Variants in SAMD8 observed in about 807,000 individuals in gnomAD.
SAMD8 encodes the protein sphingomyelin synthase-related protein 1.
Under a neutral mutation model 42.0 loss-of-function variants are expected in SAMD8, and 20 were observed. The ratio of observed to expected loss-of-function variants is 0.48; its 90% CI spans 0.34 to 0.69. The LOEUF is 0.69. SAMD8 is among the 30% of genes least tolerant of loss of function. The pLI, the probability that SAMD8 is intolerant of heterozygous loss-of-function variation, is 0.01. For synonymous variants in SAMD8, 162 were observed against 173.0 expected, an observed-to-expected ratio of 0.94 and a Z score of 0.50; for missense variants, 328 against 511.6, an observed-to-expected ratio of 0.64 and a Z score of 3.46.
chr10:75,155,092 A>G (rs535610660), intron 2 of SAMD8, among the ~76,000 whole-genome samples: 105 of 152,014 alleles, frequency 6.9e-4, no homozygotes, highest in African/African-American at 2.5e-3. Context: ...GGGTTTTGCT[A>G]TGTTGCCTAG....
intron 4 of SAMD8, among the ~76,000 whole-genome samples, chr10:75,173,261 A>G (rs1348185223): frequency 6.6e-6 from 1 of 152,224 alleles, no homozygotes; most frequent in African/African-American, 2.4e-5. Flanking sequence ...ATAGAAATCA[A>G]ATCCCTTACA....
chr10:75,134,876 G>A (rs1849353399), intron 1 of SAMD8, among the ~76,000 whole-genome samples: 1 of 151,740 alleles, frequency 6.6e-6, no homozygotes, highest in Non-Finnish European at 1.5e-5. Context: ...GGGCAACATA[G>A]TGAGACCCTG....
intron 2 of SAMD8, 110 bp downstream of exon 2, chr10:75,151,216 TC>T (rs1840280803): frequency 1.9e-6 from 1 of 540,328 alleles, no homozygotes; most frequent in Non-Finnish European, 3.0e-6. Context: ...ATGTATACTT[TC>T]CATTTGCTTT....
At chr10:75,140,935 A>G (rs1390162347) in intron 1 of SAMD8, among the ~76,000 whole-genome samples, 2 of 152,208 alleles carry the variant, frequency 1.3e-5, no homozygotes, top group African/African-American at 2.4e-5. Flanking sequence ...TTTTCAGCAT[A>G]TAGGTCTTGC....
At chr10:75,118,125 G>A (rs1848926363) in intron 1 of SAMD8, among the ~76,000 whole-genome samples, 1 of 152,194 alleles carries the variant, frequency 6.6e-6, no homozygotes. Context: ...TCCAAGAACT[G>A]AAGTGCAGCC....
chr10:75,148,455 G>A (rs1014385488), intron 1 of SAMD8, among the ~76,000 whole-genome samples: 10 of 145,946 alleles, frequency 6.9e-5, no homozygotes, highest in African/African-American at 2.5e-4. Flanking sequence ...CCAGGTTCAC[G>A]CCATCCTCCT....
At chr10:75,169,831 C>T (rs1012168113) in intron 4 of SAMD8, among the ~76,000 whole-genome samples, 1 of 152,146 alleles carries the variant, frequency 6.6e-6, no homozygotes, top group Admixed American at 6.5e-5. Flanking sequence ...GTCACTTGAA[C>T]CCAGGAGGCG....
intron 1 of SAMD8, among the ~76,000 whole-genome samples, chr10:75,124,326 T>A (rs1849076307): frequency 1.3e-5 from 2 of 152,072 alleles, no homozygotes; most frequent in African/African-American, 4.8e-5. Context: ...AATGTACCTG[T>A]CAGAGGCCAG....
At chr10:75,100,465 G>A (rs1193896474) in intron 1 of SAMD8, among the ~76,000 whole-genome samples, 1 of 152,188 alleles carries the variant, frequency 6.6e-6, no homozygotes, top group Non-Finnish European at 1.5e-5. Flanking sequence ...TCCCAAGGAG[G>A]GGAAGTCGGT....
At chr10:75,108,099 C>G, upstream of SAMD8, 1 of 1,613,872 alleles carries the variant, frequency 6.2e-7, no homozygotes, top group Non-Finnish European at 8.5e-7. Context: ...GTAGCTCACA[C>G]TGCTGCCGTA....
intron 1 of SAMD8, among the ~76,000 whole-genome samples, chr10:75,133,267 G>A (rs1390024636): frequency 1.3e-5 from 2 of 152,080 alleles, no homozygotes; most frequent in African/African-American, 4.8e-5. Flanking sequence ...GCTAGGCGTG[G>A]TGGTGCGTGC....
At chr10:75,119,678 TA>T (rs1848961271) in intron 1 of SAMD8, among the ~76,000 whole-genome samples, 1 of 152,230 alleles carries the variant, frequency 6.6e-6, no homozygotes, top group Admixed American at 6.5e-5. Flanking sequence ...CCAGCATGTT[TA>T]AGTCACTGTA....
chr10:75,162,365 G>C (rs1376024068), intron 2 of SAMD8, among the ~76,000 whole-genome samples: 2 of 150,066 alleles, frequency 1.3e-5, no homozygotes, highest in East Asian at 2.0e-4. Flanking sequence ...TTTCAAAAAA[G>C]TGAGGCTGGG....
In SAMD8 at chr10:75,174,670, T is replaced by A. The variant is rs112374173; in HGVS notation, c.793-1396T>A. On this transcript the variant is annotated intron_variant, in intron 4 of 5. Coordinates refer to ENST00000542569, the MANE Select transcript of SAMD8 (RefSeq NM_001174156.2). ...CTGATCTCGAACTCCTGACCTCAGA[T>A]GATCCACCCACCTCGGCCTCTCAAA... Among the ~76,000 whole-genome samples the A allele has an allele frequency of 3.3e-3, 504 of 151,832 alleles. 1 individual carries two copies. Among genetic ancestry groups the A allele is most frequent in the African/African-American group, 0.012 (481 of 41,404 alleles).
At chr10:75,108,151 C>T (rs376024724), upstream of SAMD8, 9 of 1,612,748 alleles carry the variant, frequency 5.6e-6, no homozygotes, top group African/African-American at 4.0e-5. Context: ...TTGTGGGCGG[C>T]GTTCAGCACG....
chr10:75,169,851 G>T (rs748903808), intron 4 of SAMD8, among the ~76,000 whole-genome samples: 2 of 152,180 alleles, frequency 1.3e-5, no homozygotes, highest in African/African-American at 2.4e-5. Flanking sequence ...GGAGGTTGCA[G>T]TGAGCCAAGA....
chr10:75,130,728 G>A (rs946107230), intron 1 of SAMD8, among the ~76,000 whole-genome samples: 1 of 152,112 alleles, frequency 6.6e-6, no homozygotes, highest in Non-Finnish European at 1.5e-5. Context: ...TTTGTGTAAA[G>A]CAAATCTGGC....
intron 1 of SAMD8, among the ~76,000 whole-genome samples, chr10:75,144,941 C>A (rs76287102): frequency 6.6e-6 from 1 of 152,150 alleles, no homozygotes; most frequent in African/African-American, 2.4e-5. Context: ...TTGCAACCAG[C>A]GCCCTTGAAT....
intron 1 of SAMD8, among the ~76,000 whole-genome samples, chr10:75,141,762 C>G (rs892347933): frequency 6.6e-6 from 1 of 151,294 alleles, no homozygotes; most frequent in African/African-American, 2.4e-5. Flanking sequence ...AGGATGGTCT[C>G]GATCTCCTGA....
Sources: gnomAD v4.1 joint callset for allele counts (sites outside exome capture counted in the v4.1 genomes callset) on GRCh38, gnomAD v4.1.1 for gene constraint, MANE v1.5 for transcripts, NCBI Gene and HGNC (gene_info 2026-07-23, HGNC 2026-07-21) for gene names.